Variants in SLC6A15 observed in about 807,000 individuals in gnomAD.
The protein encoded by SLC6A15 is solute carrier family 6 member 15.
Under a neutral mutation model 68.5 loss-of-function variants are expected in SLC6A15, and 33 were observed. The ratio of observed to expected loss-of-function variants is 0.48; its 90% confidence interval spans 0.37 to 0.64. SLC6A15 has a LOEUF of 0.64. SLC6A15 is among the 30% of genes least tolerant of loss of function. The pLI, the probability that SLC6A15 is intolerant of heterozygous loss-of-function variation, is 0.00. For synonymous variants in SLC6A15, 347 were observed against 301.0 expected (o/e 1.15, Z -1.58); for missense variants, 747 against 874.3 (o/e 0.85, Z 1.84).
intron 1 of SLC6A15, among the ~76,000 whole-genome samples, chr12:84,905,711 T>G (rs1873110502): frequency 6.6e-6 from 1 of 152,222 alleles, no homozygotes; most frequent in Admixed American, 6.5e-5. Context: ...CTGCATTTGG[T>G]TGAATCTGTG....
chr12:84,875,093 A>G (rs1324795669), intron 6 of SLC6A15, among the ~76,000 whole-genome samples: 1 of 152,190 alleles, frequency 6.6e-6, no homozygotes, highest in East Asian at 1.9e-4. Flanking sequence ...ATCTAGCTAA[A>G]TCAAATGTTT....
intron 1 of SLC6A15, among the ~76,000 whole-genome samples, chr12:84,908,069 G>T (rs1404315333): frequency 6.6e-6 from 1 of 152,084 alleles, no homozygotes; most frequent in South Asian, 2.1e-4. Context: ...GTTATAAAAG[G>T]CCAACACAGT....
intron 9 of SLC6A15, among the ~76,000 whole-genome samples, chr12:84,869,092 A>C (rs1031766804): frequency 3.9e-5 from 6 of 152,192 alleles, no homozygotes; most frequent in African/African-American, 1.4e-4. Context: ...ATACAGACAT[A>C]ATTATCAGAG....
intron 5 of SLC6A15, 176 bp downstream of exon 5, chr12:84,883,683 T>A: frequency 6.5e-7 from 1 of 1,528,976 alleles, no homozygotes; most frequent in African/African-American, 1.4e-5. Context: ...ACTGTTTTTA[T>A]TTGTCTTTTT....
intron 1 of SLC6A15, among the ~76,000 whole-genome samples, chr12:84,911,033 G>A (rs942680349): frequency 1.3e-5 from 2 of 151,938 alleles, no homozygotes; most frequent in Non-Finnish European, 2.9e-5. Flanking sequence ...TATTAAGAAC[G>A]TACAAGTCAA....
At chr12:84,876,427 C>T (rs1048087880) in intron 6 of SLC6A15, 70 bp downstream of exon 6, 7 of 816,462 alleles carry the variant, frequency 8.6e-6, no homozygotes, top group South Asian at 1.8e-5. Context: ...TTAAATATAA[C>T]TTAGAATATT....
intron 1 of SLC6A15, among the ~76,000 whole-genome samples, chr12:84,909,553 A>G (rs1400833990): frequency 6.6e-6 from 1 of 152,218 alleles, no homozygotes; most frequent in Non-Finnish European, 1.5e-5. Flanking sequence ...GATTCCTGCT[A>G]TGTAACCTTG....
intron 1 of SLC6A15, among the ~76,000 whole-genome samples, chr12:84,905,086 C>T (rs1392073681): frequency 6.6e-6 from 1 of 151,906 alleles, no homozygotes; most frequent in Non-Finnish European, 1.5e-5. Context: ...ACTCAGGTAC[C>T]AAAACCAGGC....
At chr12:84,867,700 A>G (rs559157671) in intron 9 of SLC6A15, 1 of 152,316 alleles carries the variant, frequency 6.6e-6, no homozygotes, top group Admixed American at 6.5e-5. Context: ...TTTCAAGCAT[A>G]AGTGGAAAAA....
intron 5 of SLC6A15, chr12:84,883,123 A>G (rs1871901660): frequency 2.0e-6 from 2 of 977,810 alleles, no homozygotes; most frequent in Non-Finnish European, 2.4e-6. Context: ...AGAGATGTGG[A>G]GAGCTTTAGA....
Position 84,892,208 on chromosome 12 carries a change from G to C in SLC6A15, c.-88C>G, listed in dbSNP as rs1385634259. The C allele has an allele frequency of 3.2e-6, 4 of 1,245,616 alleles. No homozygotes were observed. The highest frequency in any genetic ancestry group is 3.3e-6 in the Non-Finnish European group (3 of 903,344). 77.2% of individuals were successfully genotyped at this position (1,245,616 alleles called of 1,614,324 possible). A position where few individuals can be genotyped will look rare whatever the true frequency, so the allele number is the denominator to read the frequency against. ...TCTATTTTTCAAAACAATGTTACTT[G>C]ATAGGAAGTAAAGACCGAGGATGAT... On this transcript the variant is annotated 5_prime_UTR_variant, in exon 2 of 12. It adds an upstream start codon to the 5' untranslated region. Coordinates refer to ENST00000266682, the MANE Select transcript of SLC6A15 (RefSeq NM_182767.6).
intron 5 of SLC6A15, chr12:84,882,227 T>C (rs1871852039): frequency 5.1e-6 from 5 of 985,276 alleles, no homozygotes; most frequent in Admixed American, 6.1e-5. Flanking sequence ...AATGATATTA[T>C]GTTAGGAATC....
intron 6 of SLC6A15, among the ~76,000 whole-genome samples, chr12:84,876,131 G>T (rs2949798): frequency 1 from 151,362 of 151,362 alleles, 75,681 homozygotes; most frequent in Non-Finnish European, 1. Flanking sequence ...CTTTTTCAAA[G>T]GGATCCATGA....
intron 1 of SLC6A15, among the ~76,000 whole-genome samples, chr12:84,904,680 C>A (rs2077677123): frequency 6.6e-6 from 1 of 152,148 alleles, no homozygotes; most frequent in African/African-American, 2.4e-5. Flanking sequence ...TTTAGTCAAT[C>A]ATATGTAAAG....
intron 5 of SLC6A15, chr12:84,881,577 G>T (rs2120623056): frequency 1.0e-6 from 1 of 985,286 alleles, no homozygotes; most frequent in African/African-American, 1.7e-5. Context: ...TTTAATTCAT[G>T]CAGTTTCCAC....
At position 84,912,715 on chromosome 12, in the gene SLC6A15, A is replaced by G. The variant is rs979613218; in HGVS notation, c.-381T>C. On this transcript the variant is annotated 5_prime_UTR_variant, in exon 1 of 12. Transcript: ENST00000266682. ...GTCGCCGCCCTGCAGGCTGGCAAGG[A>G]GAGACTCGTGAGCGCCTGTGTGTCT... The G allele has an allele frequency of 2.0e-5, 3 of 152,768 alleles. No homozygotes were observed. Among genetic ancestry groups the G allele is most frequent in the Admixed American group, 1.3e-4 (2 of 15,284 alleles). The allele number at this position is 152,768 out of a possible 1,614,324, so 9.5% of individuals were successfully genotyped here.
intron 1 of SLC6A15, among the ~76,000 whole-genome samples, chr12:84,894,587 T>TC (rs1222630946): frequency 6.6e-6 from 1 of 152,058 alleles, no homozygotes; most frequent in Non-Finnish European, 1.5e-5. Flanking sequence ...ACCATGAATC[T>TC]CCCCCAAATT....
chr12:84,873,224 G>T lies in SLC6A15; in HGVS notation c.972C>A (p.Asn324Lys). 1 of 1,614,104 alleles carries T rather than the reference G, an allele frequency of 6.2e-7. No individual in the cohort carries two copies. Among genetic ancestry groups the T allele is most frequent in the Non-Finnish European group, 8.5e-7 (1 of 1,179,992 alleles). The change falls in exon 7 of 12, where the codon AAC becomes AAA. Residue 324 changes from asparagine to lysine, a missense_variant. Asn to Lys is a moderately conservative substitution (Grantham distance 94). Transcript: ENST00000266682. ...FGGVIAFSSY[N>K]KRDNNCHFDA... ...CAAAGTGGCAGTTGTTGTCTCTCTT[G>T]TTGTAGCTTGAAAAGGCAATGACAC... is the stretch of plus-strand genomic sequence containing the variant.
At chr12:84,904,765 G>T (rs1007058206) in intron 1 of SLC6A15, among the ~76,000 whole-genome samples, 1 of 152,094 alleles carries the variant, frequency 6.6e-6, no homozygotes, top group African/African-American at 2.4e-5. Flanking sequence ...TGCAAAATCT[G>T]CAGACATCAA....
Sources: gnomAD v4.1 joint callset for allele counts (sites outside exome capture counted in the v4.1 genomes callset) on GRCh38, gnomAD v4.1.1 for gene constraint, MANE v1.5 for transcripts, NCBI Gene and HGNC (gene_info 2026-07-23, HGNC 2026-07-21) for gene names.